Variants in SLC44A5 observed in about 807,000 individuals in gnomAD.
SLC44A5 encodes solute carrier family 44 member 5.
SLC44A5 carries 57 observed loss-of-function variants against 101.8 expected under a neutral mutation model. That is an observed-to-expected ratio of 0.56 (90% CI 0.45 to 0.70). SLC44A5 has a LOEUF of 0.70. Among genes scored for constraint, SLC44A5 ranks in the 30% least tolerant of loss-of-function variants. SLC44A5 has a pLI of 0.00. For missense variants in SLC44A5, 737 were observed against 853.1 expected, an observed-to-expected ratio of 0.86 and a Z score of 1.70; for synonymous variants, 281 against 290.9, an observed-to-expected ratio of 0.97 and a Z score of 0.35.
At chr1:75,710,177 G>T in the SLC44A5 span, 1 of 152,126 alleles carries the variant, frequency 6.6e-6, no homozygotes. Context: ...GGTTTCACAG[G>T]TGTATACATA....
At chr1:75,516,158 C>T (rs114863020) in intron 2 of SLC44A5, among the ~76,000 whole-genome samples, 2,398 of 152,164 alleles carry the variant, frequency 0.016, 64 homozygotes, top group African/African-American at 0.055. Flanking sequence ...GCAGAAATAC[C>T]ATTCTTTCTA....
At chr1:75,424,188 A>C (rs905410425) in intron 2 of SLC44A5, among the ~76,000 whole-genome samples, 12 of 152,058 alleles carry the variant, frequency 7.9e-5, no homozygotes, top group Non-Finnish European at 1.5e-4. Context: ...AGAACCGATG[A>C]CTCTCAGTCT....
intron 2 of SLC44A5, among the ~76,000 whole-genome samples, chr1:75,452,169 A>G (rs549101782): frequency 6.6e-6 from 1 of 152,162 alleles, no homozygotes; most frequent in Non-Finnish European, 1.5e-5. Flanking sequence ...GATCACATAC[A>G]AAGGTAACTC....
chr1:75,222,217 A>G (rs1647100243), intron 14 of SLC44A5, 144 bp downstream of exon 14: 2 of 613,594 alleles, frequency 3.3e-6, no homozygotes, highest in Admixed American at 2.8e-5. Context: ...CGGCCTCCCA[A>G]AGTGCTGGGA....
chr1:75,223,419 TTAAA>T (rs1647130767), intron 13 of SLC44A5, among the ~76,000 whole-genome samples: 2 of 152,198 alleles, frequency 1.3e-5, no homozygotes, highest in Admixed American at 1.3e-4. Flanking sequence ...ATATCCTTAA[TTAAA>T]TAATAACTTT....
chr1:75,496,354 A>G (rs1668672352), intron 2 of SLC44A5, among the ~76,000 whole-genome samples: 1 of 152,180 alleles, frequency 6.6e-6, no homozygotes, highest in Admixed American at 6.5e-5. Flanking sequence ...GACAATGGGG[A>G]AAAGACAGTC....
intron 4 of SLC44A5, among the ~76,000 whole-genome samples, chr1:75,302,119 T>TTTTTG (rs755115442): frequency 1.5e-5 from 2 of 137,712 alleles, no homozygotes; most frequent in African/African-American, 5.4e-5. Flanking sequence ...TTTGTTTTTT[T>TTTTTG]TTTTTTTTTT....
At chr1:75,681,640 C>T in the SLC44A5 span, among the ~76,000 whole-genome samples, 617 of 150,066 alleles carry the variant, frequency 4.1e-3, 16 homozygotes, top group Admixed American at 0.036. Context: ...GACAAACCCA[C>T]GGCCAATATC....
At chr1:75,213,894 T>C in intron 21 of SLC44A5, 25 bp downstream of exon 21, 1 of 1,540,216 alleles carries the variant, frequency 6.5e-7, no homozygotes, top group Non-Finnish European at 8.8e-7. Context: ...CTTTTTTTTT[T>C]ATTATTTTCA....
chr1:75,419,774 A>C (rs556704357), intron 2 of SLC44A5, among the ~76,000 whole-genome samples: 64 of 152,246 alleles, frequency 4.2e-4, no homozygotes, highest in African/African-American at 1.4e-3. Flanking sequence ...AACAATATAA[A>C]TGTATTGTGA....
At chr1:75,701,303 C>G in the SLC44A5 span, among the ~76,000 whole-genome samples, 2 of 152,168 alleles carry the variant, frequency 1.3e-5, no homozygotes, top group Non-Finnish European at 2.9e-5. Flanking sequence ...AAAACCTTGT[C>G]CACCATGATC....
At chr1:75,650,458 A>C in the SLC44A5 span, among the ~76,000 whole-genome samples, 1,119 of 152,360 alleles carry the variant, frequency 7.3e-3, 17 homozygotes, top group African/African-American at 0.025. Flanking sequence ...TAATATAATT[A>C]GTTTTCTTTG....
intron 1 of SLC44A5, among the ~76,000 whole-genome samples, chr1:75,545,082 C>T (rs1671572278): frequency 6.6e-6 from 1 of 152,048 alleles, no homozygotes; most frequent in Non-Finnish European, 1.5e-5. Context: ...TGTTCAACTC[C>T]CACTTATGAG....
At chr1:75,611,733 G>A (rs1283437715), upstream of SLC44A5, among the ~76,000 whole-genome samples, 1 of 152,130 alleles carries the variant, frequency 6.6e-6, no homozygotes, top group East Asian at 1.9e-4. Context: ...GTTTGAATGA[G>A]AATGTTTCTC....
intron 5 of SLC44A5, among the ~76,000 whole-genome samples, chr1:75,287,347 C>A (rs75166639): frequency 0.04 from 5,630 of 140,292 alleles, 340 homozygotes; most frequent in African/African-American, 0.14. Flanking sequence ...TATTCTGTAA[C>A]TTTTTTTCAT....
intron 2 of SLC44A5, among the ~76,000 whole-genome samples, chr1:75,517,372 G>C (rs554145882): frequency 5.9e-5 from 9 of 152,062 alleles, no homozygotes; most frequent in African/African-American, 2.2e-4. Context: ...GATTGAAAAG[G>C]GGGACAGCTA....
intron 2 of SLC44A5, among the ~76,000 whole-genome samples, chr1:75,513,634 C>T (rs1669677444): frequency 6.6e-6 from 1 of 152,130 alleles, no homozygotes; most frequent in Admixed American, 6.5e-5. Context: ...GTTAAACTTG[C>T]CAGCCACTCA....
rs138554574 is a variant in SLC44A5 at position 75,430,416 on chromosome 1, T to TG, written c.14-33796dup. 5.7e-3 allele frequency among the ~76,000 whole-genome samples: 863 copies of TG among 152,190 alleles called. 7 individuals are homozygous for TG. The highest frequency in any genetic ancestry group is 0.02 in the African/African-American group (829 of 41,524). On this transcript the variant is annotated intron_variant, in intron 2 of 23. Coordinates refer to ENST00000370859, the MANE Select transcript of SLC44A5 (RefSeq NM_001130058.2). Reference sequence around the variant, plus strand: ...TATTGTTTAAAAACTACCCAGTCTGTGGTATTTTGTTATAGAAGCGCAAAT... The same window carrying TG: ...TATTGTTTAAAAACTACCCAGTCTGTGGGTATTTTGTTATAGAAGCGCAAAT...
intron 9 of SLC44A5, among the ~76,000 whole-genome samples, chr1:75,241,727 C>T (rs1648646373): frequency 6.6e-6 from 1 of 151,990 alleles, no homozygotes; most frequent in South Asian, 2.1e-4. Flanking sequence ...TTCCAAAGCA[C>T]CAAATGATCA....
Sources: gnomAD v4.1 joint callset for allele counts (sites outside exome capture counted in the v4.1 genomes callset) on GRCh38, gnomAD v4.1.1 for gene constraint, MANE v1.5 for transcripts, NCBI Gene and HGNC (gene_info 2026-07-23, HGNC 2026-07-21) for gene names.